Variants in CCDC146 observed in about 807,000 individuals in gnomAD.
The protein encoded by CCDC146 is coiled-coil domain containing 146.
In CCDC146, 92 loss-of-function variants were observed where a neutral mutation model predicts 119.3. The ratio of observed to expected loss-of-function variants is 0.77; its 90% confidence interval spans 0.65 to 0.92. The LOEUF (loss-of-function observed/expected upper bound fraction) is 0.92. Ranked by LOEUF, CCDC146 falls within the 40% of genes least tolerant of loss-of-function variation. The probability of loss-of-function intolerance (pLI) is 0.00; values close to 1 mark genes in which losing one functional copy is unlikely to be tolerated. For missense variants in CCDC146, 1,000 were observed against 1,103.0 expected (o/e 0.91, Z 1.32); for synonymous variants, 372 against 371.8 (o/e 1.00, Z -0.01).
chr7:77,278,353 G>C (rs1432992905), intron 11 of CCDC146, among the ~76,000 whole-genome samples: 1 of 151,560 alleles, frequency 6.6e-6, no homozygotes, highest in Non-Finnish European at 1.5e-5. Flanking sequence ...TAGCCAATGT[G>C]AATCAGTTCA....
intron 4 of CCDC146, among the ~76,000 whole-genome samples, chr7:77,244,344 A>G (rs1355329682): frequency 6.6e-6 from 1 of 152,204 alleles, no homozygotes; most frequent in East Asian, 1.9e-4. Context: ...TACAGTGTTT[A>G]TAAGGTCTAC....
intron 1 of CCDC146, among the ~76,000 whole-genome samples, chr7:77,159,744 C>T: frequency 6.6e-6 from 1 of 152,198 alleles, no homozygotes; most frequent in East Asian, 1.9e-4. Context: ...TACCTTCCCA[C>T]TAACAGTGTA....
intron 1 of CCDC146, among the ~76,000 whole-genome samples, chr7:77,162,771 A>G (rs1196539394): frequency 1.3e-5 from 2 of 152,044 alleles, no homozygotes; most frequent in Non-Finnish European, 2.9e-5. Flanking sequence ...AATCCATAAC[A>G]TGGGATACCT....
chr7:77,143,895 G>C (rs1248862809), intron 1 of CCDC146, among the ~76,000 whole-genome samples: 1 of 151,880 alleles, frequency 6.6e-6, no homozygotes, highest in East Asian at 1.9e-4. Context: ...ACTTGGCAAT[G>C]TGGGCTCTTT....
chr7:77,235,172 G>A (rs1207497608), intron 2 of CCDC146, among the ~76,000 whole-genome samples: 1 of 152,152 alleles, frequency 6.6e-6, no homozygotes, highest in African/African-American at 2.4e-5. Flanking sequence ...ATACAGTGAA[G>A]GACAAGGTAA....
intron 2 of CCDC146, among the ~76,000 whole-genome samples, chr7:77,226,227 A>G (rs1792511124): frequency 6.6e-6 from 1 of 152,200 alleles, no homozygotes; most frequent in African/African-American, 2.4e-5. Context: ...GAGCAGGCGA[A>G]AGGGAGATGA....
At chr7:77,219,892 A>G (rs1219857063) in intron 2 of CCDC146, among the ~76,000 whole-genome samples, 1 of 152,158 alleles carries the variant, frequency 6.6e-6, no homozygotes, top group Non-Finnish European at 1.5e-5. Flanking sequence ...ATCAAAGGGC[A>G]GAGAGGCAGA....
intron 2 of CCDC146, among the ~76,000 whole-genome samples, chr7:77,209,423 C>T (rs1187211579): frequency 6.6e-6 from 1 of 152,236 alleles, no homozygotes; most frequent in Non-Finnish European, 1.5e-5. Flanking sequence ...TGGGCAGCTC[C>T]ACCCCTGTGG....
intron 2 of CCDC146, among the ~76,000 whole-genome samples, chr7:77,177,050 G>A (rs951273217): frequency 1.1e-4 from 16 of 151,904 alleles, no homozygotes; most frequent in African/African-American, 3.6e-4. Context: ...TGTCCAGGCT[G>A]GTCTCAAACT....
chr7:77,141,608 A>G (rs1321205580), intron 1 of CCDC146, among the ~76,000 whole-genome samples: 2 of 152,196 alleles, frequency 1.3e-5, no homozygotes, highest in African/African-American at 2.4e-5. Context: ...AATGATTGCT[A>G]TTCTAACTGA....
At chr7:77,206,386 G>A (rs1792079839) in intron 2 of CCDC146, among the ~76,000 whole-genome samples, 1 of 152,096 alleles carries the variant, frequency 6.6e-6, no homozygotes, top group African/African-American at 2.4e-5. Context: ...GGAGGCCAAG[G>A]CAGGCAGATC....
intron 1 of CCDC146, among the ~76,000 whole-genome samples, chr7:77,151,804 G>A (rs1791112380): frequency 6.6e-6 from 1 of 152,116 alleles, no homozygotes; most frequent in East Asian, 1.9e-4. Flanking sequence ...TTAGACATAG[G>A]TCTCAATGGT....
At chr7:77,185,390 C>T (rs1016269131) in intron 2 of CCDC146, among the ~76,000 whole-genome samples, 3 of 152,158 alleles carry the variant, frequency 2.0e-5, no homozygotes, top group Non-Finnish European at 2.9e-5. Context: ...AAGTTGCTTG[C>T]CTCTTGCAGA....
intron 1 of CCDC146, among the ~76,000 whole-genome samples, chr7:77,165,558 C>T (rs1210238292): frequency 6.6e-6 from 1 of 152,090 alleles, no homozygotes; most frequent in East Asian, 1.9e-4. Flanking sequence ...GGCAGCCAGG[C>T]CAGCACTTGA....
Position 77,287,645 on chromosome 7 carries a change from C to G in CCDC146, c.2415+68C>G, listed in dbSNP as rs1018567711. 2.6e-6 allele frequency: 4 copies of G among 1,531,660 alleles called. No individual in the cohort carries two copies. The Admixed American group carries it at 5.7e-5, about 22-fold the overall frequency. 94.9% of individuals were successfully genotyped at this position (1,531,660 alleles called of 1,614,324 possible). A position where few individuals can be genotyped will look rare whatever the true frequency, so the allele number is the denominator to read the frequency against. On this transcript the variant is annotated intron_variant, in intron 17 of 18. Coordinates refer to ENST00000285871, the MANE Select transcript of CCDC146 (RefSeq NM_020879.3). Reference sequence around the variant, plus strand: ...TTATTACCTTTTATTTTCCACAGACCGACAGATTTATTGAGAGAAGCACTG... The same window carrying G: ...TTATTACCTTTTATTTTCCACAGACGGACAGATTTATTGAGAGAAGCACTG...
chr7:77,123,239 T>G (rs1790649149), intron 1 of CCDC146, among the ~76,000 whole-genome samples: 2 of 119,120 alleles, frequency 1.7e-5, no homozygotes, highest in Admixed American at 8.3e-5. Context: ...AGTTTTAGAG[T>G]GAAAAAAAAA....
chr7:77,229,231 C>T (rs1179688199), intron 2 of CCDC146, among the ~76,000 whole-genome samples: 2 of 152,246 alleles, frequency 1.3e-5, no homozygotes, highest in African/African-American at 2.4e-5. Flanking sequence ...AGACCTTTGT[C>T]GGATGCATAG....
intron 2 of CCDC146, among the ~76,000 whole-genome samples, chr7:77,228,867 ATGCAGGATG>A (rs1216651080): frequency 1.3e-5 from 2 of 152,162 alleles, no homozygotes; most frequent in Admixed American, 1.3e-4. Flanking sequence ...TGGGGTACAT[ATGCAGGATG>A]TGCAGGTTTA....
intron 2 of CCDC146, among the ~76,000 whole-genome samples, chr7:77,182,660 C>A (rs1462264707): frequency 6.6e-6 from 1 of 151,962 alleles, no homozygotes; most frequent in Admixed American, 6.6e-5. Context: ...ACAGGTGGCA[C>A]GATGGTGCAC....
Sources: gnomAD v4.1 joint callset for allele counts (sites outside exome capture counted in the v4.1 genomes callset) on GRCh38, gnomAD v4.1.1 for gene constraint, MANE v1.5 for transcripts, NCBI Gene and HGNC (gene_info 2026-07-23, HGNC 2026-07-21) for gene names.